The following BGN variants were observed in gnomAD, a reference collection of about 807,000 sequenced individuals.
BGN encodes bone/cartilage proteoglycan-I.
In BGN, 6 loss-of-function variants were observed where a neutral mutation model predicts 20.0. The observed-to-expected ratio is 0.30, with a 90% CI of 0.16 to 0.59. The LOEUF (loss-of-function observed/expected upper bound fraction) is 0.59. Among genes scored for constraint, BGN ranks in the 20% least tolerant of loss-of-function variants. BGN has a pLI of 0.88. For synonymous variants in BGN, 146 were observed against 134.6 expected (o/e 1.08, Z -0.59); for missense variants, 292 against 312.1 (o/e 0.94, Z 0.49).
intron 1 of BGN, among the ~76,000 whole-genome samples, chrX:153,498,849 T>C (rs1556991264): frequency 8.9e-6 from 1 of 112,376 alleles, no homozygotes; most frequent in African/African-American, 3.2e-5. Flanking sequence ...GAGGGGCTTC[T>C]GGATCTGTGG....
At chrX:153,502,687 G>T (rs1464945624) in intron 1 of BGN, among the ~76,000 whole-genome samples, 7 of 113,144 alleles carry the variant, frequency 6.2e-5, no homozygotes, top group Non-Finnish European at 9.4e-5. Flanking sequence ...GGATCTCAAG[G>T]CTCAAAAGAA....
chrX:153,497,116 C>T (rs1466927524), intron 1 of BGN, among the ~76,000 whole-genome samples: 3 of 103,675 alleles, frequency 2.9e-5, no homozygotes, highest in African/African-American at 7.1e-5. Context: ...CACCCCCCAA[C>T]ACCCCTGCTT....
intron 5 of BGN, 48 bp from the exon 6 acceptor site, chrX:153,506,782 C>T (rs1556993264): frequency 8.5e-7 from 1 of 1,176,478 alleles, no homozygotes; most frequent in Admixed American, 2.2e-5. Context: ...AGCTAGGGCC[C>T]CTGCCCTCAG....
At chrX:153,500,496 G>A (rs2089749039) in intron 1 of BGN, among the ~76,000 whole-genome samples, 1 of 112,142 alleles carries the variant, frequency 8.9e-6, no homozygotes, top group Non-Finnish European at 1.9e-5. Flanking sequence ...GGGACTTGCT[G>A]TGGGTCTCAC....
At chrX:153,507,839 G>A (rs957097906) in intron 7 of BGN, among the ~76,000 whole-genome samples, 8 of 113,499 alleles carry the variant, frequency 7.0e-5, no homozygotes, top group African/African-American at 2.6e-4. Flanking sequence ...TGGAGGGGCT[G>A]CTAGAGGGCG....
At chrX:153,496,976 A>ACCC (rs2089721545) in intron 1 of BGN, among the ~76,000 whole-genome samples, 1 of 14,811 alleles carries the variant, frequency 6.8e-5, no homozygotes, top group African/African-American at 3.7e-4. Flanking sequence ...ACCCCCCAGC[A>ACCC]TCTCCAGCCT....
In BGN at chrX:153,499,744, G is replaced by A. The variant is rs1471938416; in HGVS notation, c.-12+4631G>A. Among the ~76,000 whole-genome samples the A allele has an allele frequency of 2.7e-5, 3 of 113,198 alleles. No individual in the cohort carries two copies. The East Asian group carries it at 8.4e-4, about 32-fold the overall frequency. On this transcript the variant is annotated intron_variant, in intron 1 of 7. Transcript: ENST00000331595. ...CCTCTCTGGTTGATGCCCAAGTACA[G>A]GCTGGAGCCATCGGCGGGGAGGGAC...
At chrX:153,506,753 C>G (rs897915184) in intron 5 of BGN, 77 bp from the exon 6 acceptor site, 74 of 1,152,429 alleles carry the variant, frequency 6.4e-5, no homozygotes, top group Middle Eastern at 4.7e-4. Context: ...CAACAGTCCC[C>G]TCCCGCCACC....
chrX:153,503,699 TCCCACTCGCCGC>T (rs1439130316), intron 1 of BGN, among the ~76,000 whole-genome samples: 1 of 111,800 alleles, frequency 8.9e-6, no homozygotes, highest in Non-Finnish European at 1.9e-5. Context: ...TCGCCTCCAC[TCCCACTCGCCGC>T]CTCGGCCTGG....
chrX:153,504,554 A>T, intron 1 of BGN, 67 bp from the exon 2 acceptor site: 1 of 943,429 alleles, frequency 1.1e-6, no homozygotes, highest in South Asian at 2.3e-5. Context: ...CACGCGGAAC[A>T]CCAGCCCCTG....
chrX:153,501,243 A>G (rs2089759240), intron 1 of BGN, among the ~76,000 whole-genome samples: 1 of 111,783 alleles, frequency 8.9e-6, no homozygotes, highest in African/African-American at 3.3e-5. Context: ...TTCTGGCAGG[A>G]GGGAGGGGCT....
intron 1 of BGN, among the ~76,000 whole-genome samples, chrX:153,500,605 A>G (rs1351618756): frequency 8.9e-6 from 1 of 112,701 alleles, no homozygotes; most frequent in Non-Finnish European, 1.9e-5. Context: ...ATGTATACAT[A>G]TGTATATGTG....
At position 153,506,635 on chromosome X, in the gene BGN, C is replaced by T. The variant is rs781869020; in HGVS notation, c.672C>T (p.Pro224=). 8.3e-7 allele frequency: 1 copy of T among 1,207,401 alleles called. No individual in the cohort carries two copies. The highest frequency in any genetic ancestry group is 3.0e-5 in the East Asian group (1 of 33,720). ...CAGAGGCCAAGCTGACTGGCATCCC[C>T]AAAGGTAGGAAGCCCACTCTTCCTG... ...RISEAKLTGI[P]KDLPETLNEL... is the part of the protein sequence containing the mutation. The change falls in exon 5 of 8, where the codon CCC becomes CCT. Residue 224 remains proline, a synonymous_variant. Coordinates refer to ENST00000331595, the MANE Select transcript of BGN (RefSeq NM_001711.6).
chrX:153,508,434 T>C lies in BGN; in HGVS notation c.1096T>C (p.Tyr366His). ...TDRLAIQFGN[Y>H]KK Reference sequence around the variant, plus strand: ...CCGCCTGGCCATCCAGTTTGGCAACTACAAAAAGTAGAGGCAGCTGCAGCC... The same window carrying C: ...CCGCCTGGCCATCCAGTTTGGCAACCACAAAAAGTAGAGGCAGCTGCAGCC... Residue 366 changes from tyrosine (Y) to histidine (H), a missense_variant, in exon 8 of 8, where the codon TAC becomes CAC. Transcript: ENST00000331595. 8.3e-7 allele frequency: 1 copy of C among 1,211,189 alleles called. No homozygotes were observed. Among genetic ancestry groups the C allele is most frequent in the South Asian group, 1.8e-5 (1 of 56,975 alleles).
chrX:153,506,062 A>T lies in BGN; in HGVS notation c.551A>T (p.Asn184Ile), dbSNP rs781914212. ...VPKGVFSGLR[N>I]MNCIEMGGNP... ...AAGGGAGTGTTCAGCGGGCTCCGGA[A>T]CATGAACTGCATCGGTGAGCTGAGG... is the stretch of plus-strand genomic sequence containing the variant. The change falls in exon 4 of 8, where the codon AAC (asparagine) becomes ATC (isoleucine). Residue 184 changes from asparagine (N) to isoleucine (I), a missense_variant. By Grantham distance (149) the Asn-to-Ile change is moderately radical (BLOSUM62 -3). Coordinates refer to ENST00000331595, the MANE Select transcript of BGN (RefSeq NM_001711.6). The T allele has an allele frequency of 5.0e-6, 6 of 1,211,228 alleles. No individual in the cohort carries two copies. The South Asian group carries it at 1.1e-4, about 21-fold the overall frequency.
rs1386270969 is a variant in BGN at position 153,506,571 on chromosome X, G to A, written c.608G>A (p.Gly203Glu). 2 of 1,209,393 alleles carry A rather than the reference G, an allele frequency of 1.7e-6. No individual in the cohort carries two copies. The highest frequency in any genetic ancestry group is 3.5e-5 in the African/African-American group (2 of 56,985). The change falls in exon 5 of 8, where the codon GGA (glycine) becomes GAA (glutamate). Residue 203 changes from glycine to glutamate, a missense_variant. Physicochemically the swap from Gly to Glu is moderately conservative, Grantham distance 98 (BLOSUM62 -2). Coordinates refer to ENST00000331595, the MANE Select transcript of BGN (RefSeq NM_001711.6). ...NPLENSGFEP[G>E]AFDGLKLNYL... ...CTGGAGAACAGTGGCTTTGAACCTG[G>A]AGCCTTCGATGGCCTGAAGCTCAAC... is the stretch of plus-strand genomic sequence containing the variant.
chrX:153,501,076 ATG>A (rs1161410863), intron 1 of BGN, among the ~76,000 whole-genome samples: 9 of 106,995 alleles, frequency 8.4e-5, no homozygotes, highest in Admixed American at 2.0e-4. Context: ...GTGTGTACAT[ATG>A]TGTTTTGTAT....
intron 1 of BGN, among the ~76,000 whole-genome samples, chrX:153,502,914 C>A (rs2089770720): frequency 8.9e-6 from 1 of 112,717 alleles, no homozygotes; most frequent in Non-Finnish European, 1.9e-5. Context: ...ACAGCCTCAC[C>A]ACAGGCCCCT....
chrX:153,496,707 AG>A (rs1160963683), intron 1 of BGN, among the ~76,000 whole-genome samples: 4 of 112,214 alleles, frequency 3.6e-5, no homozygotes, highest in African/African-American at 9.7e-5. Context: ...TGGGAAAGGA[AG>A]GGGGGTGTTT....
Sources: gnomAD v4.1 joint callset for allele counts (sites outside exome capture counted in the v4.1 genomes callset) on GRCh38, gnomAD v4.1.1 for gene constraint, MANE v1.5 for transcripts, NCBI Gene and HGNC (gene_info 2026-07-23, HGNC 2026-07-21) for gene names.